TNRC18: variants seen among roughly 807,000 people sequenced by gnomAD.
TNRC18 encodes the protein trinucleotide repeat containing 18, also known as trinucleotide repeat-containing gene 18 protein.
Under a neutral mutation model 226.7 loss-of-function variants are expected in TNRC18, and 69 were observed. The ratio of observed to expected loss-of-function variants is 0.30; its 90% CI spans 0.25 to 0.37. The LOEUF (loss-of-function observed/expected upper bound fraction) is 0.37, where lower values mean the gene tolerates loss of function less well. TNRC18 is among the 10% of genes least tolerant of loss of function. The probability of loss-of-function intolerance (pLI) is 1.00; values close to 1 mark genes in which losing one functional copy is unlikely to be tolerated. For synonymous variants in TNRC18, 2,449 were observed against 1,927.6 expected (o/e 1.27, Z -7.09); for missense variants, 4,754 against 4,256.6 (o/e 1.12, Z -3.25).
intron 5 of TNRC18, among the ~76,000 whole-genome samples, chr7:5,379,475 C>T (rs1562582260): frequency 6.6e-6 from 1 of 152,136 alleles, no homozygotes; most frequent in African/African-American, 2.4e-5. Flanking sequence ...GTGGCCTTGG[C>T]CCCCTGAGTG....
At chr7:5,380,588 C>T (rs1186221445) in intron 5 of TNRC18, among the ~76,000 whole-genome samples, 1 of 152,138 alleles carries the variant, frequency 6.6e-6, no homozygotes, top group Non-Finnish European at 1.5e-5. Flanking sequence ...AGCGTGTTGA[C>T]GAGGGCGCCT....
chr7:5,345,906 C>G, intron 17 of TNRC18, 96 bp from the exon 18 acceptor site: 1 of 1,457,200 alleles, frequency 6.9e-7, no homozygotes, highest in Non-Finnish European at 9.1e-7. Context: ...TGGGCTCCAG[C>G]CTAGTCCCTC....
At chr7:5,407,176 G>T in intron 2 of TNRC18, 1 of 152,346 alleles carries the variant, frequency 6.6e-6, no homozygotes, top group East Asian at 1.9e-4. Flanking sequence ...ACTGCGGCTG[G>T]GCTATCAGAC....
rs112452680 is a variant in TNRC18 at position 5,371,193 on chromosome 7, C to T, written c.3401G>A (p.Arg1134His). 24 of 1,604,758 alleles carry T rather than the reference C, an allele frequency of 1.5e-5. No individual in the cohort carries two copies. Among genetic ancestry groups the T allele is most frequent in the African/African-American group, 1.5e-4 (11 of 74,720 alleles). ...CTCTGTGATCTTGGAGGGGGACAAG[C>T]GGATGGGCTTGTCTTCGGGTGAGAG... ...LALSPEDKPIRLSPSKITEPL... is the reference protein window; with the variant it reads ...LALSPEDKPIHLSPSKITEPL... The change falls in exon 11 of 30, where the codon CGC becomes CAC. Residue 1134 changes from arginine to histidine, a missense_variant. Arg to His is a conservative substitution (Grantham distance 29). Coordinates refer to ENST00000430969, the MANE Select transcript of TNRC18 (RefSeq NM_001080495.3).
Position 5,370,699 on chromosome 7 carries a change from G to C in TNRC18, c.3895C>G (p.Pro1299Ala). 1 of 1,610,648 alleles carries C rather than the reference G, an allele frequency of 6.2e-7. No homozygotes were observed. The change falls in exon 11 of 30, where the codon CCC becomes GCC. Residue 1299 changes from proline (P) to alanine (A), a missense_variant. Transcript: ENST00000430969. ...PTLEMSDCDVPAGEGQCPSLE... is the reference protein window; with the variant it reads ...PTLEMSDCDVAAGEGQCPSLE... ...CTCGGGCACTGTCCCTCCCCGGCGG[G>C]CACGTCACAGTCTGACATTTCTAGG...
At chr7:5,344,414 T>C (rs1482237811) in intron 18 of TNRC18, among the ~76,000 whole-genome samples, 1 of 152,116 alleles carries the variant, frequency 6.6e-6, no homozygotes, top group Non-Finnish European at 1.5e-5. Context: ...CCCTGGTGCC[T>C]CTTTCCAGGA....
rs971907724 is a variant in TNRC18 at position 5,355,843 on chromosome 7, A to C, written c.5194+1073T>G. 1.3e-3 allele frequency among the ~76,000 whole-genome samples: 203 copies of C among 152,120 alleles called. 1 individual carries two copies. Among genetic ancestry groups the C allele is most frequent in the African/African-American group, 4.6e-3 (189 of 41,490 alleles). On this transcript the variant is annotated intron_variant, in intron 16 of 29. Coordinates refer to ENST00000430969, the MANE Select transcript of TNRC18 (RefSeq NM_001080495.3). ...CAGTGAGTTATGATGGCCCCACTGC[A>C]CTCCAGCCTAAGCAATAAGAAGAGA...
intron 2 of TNRC18, among the ~76,000 whole-genome samples, chr7:5,397,593 G>A (rs963477781): frequency 4.6e-5 from 7 of 152,160 alleles, no homozygotes; most frequent in African/African-American, 1.4e-4. Context: ...TGAGGCCAGC[G>A]TGCCACCCCC....
intron 27 of TNRC18, among the ~76,000 whole-genome samples, chr7:5,311,313 T>C (rs1401184845): frequency 1.3e-5 from 2 of 152,264 alleles, no homozygotes; most frequent in Non-Finnish European, 2.9e-5. Context: ...AACCCACTGC[T>C]GCAGGCAGGG....
chr7:5,308,743 G>A lies in TNRC18; in HGVS notation c.8700+132C>T, dbSNP rs1786868713. Reference sequence around the variant, plus strand: ...CAGGAGCCAGGCACTGAGAGTGGCAGGGACAGGAGGTCAGAGGCTGAGGGA... The same window carrying A: ...CAGGAGCCAGGCACTGAGAGTGGCAAGGACAGGAGGTCAGAGGCTGAGGGA... On this transcript the variant is annotated intron_variant, in intron 29 of 29. Transcript: ENST00000430969. The A allele has an allele frequency of 1.6e-5, 15 of 948,828 alleles. No homozygotes were observed. In the South Asian group the frequency reaches 2.2e-4, roughly 14 times the overall value. The allele number at this position is 948,828 out of a possible 1,614,324, so 58.8% of individuals were successfully genotyped here. A position where few individuals can be genotyped will look rare whatever the true frequency, so the allele number is the denominator to read the frequency against.
intron 21 of TNRC18, among the ~76,000 whole-genome samples, chr7:5,323,899 T>C (rs1788631063): frequency 6.6e-6 from 1 of 152,120 alleles, no homozygotes; most frequent in Non-Finnish European, 1.5e-5. Flanking sequence ...AATCTGACCA[T>C]ATCACATCCC....
rs557850362 is a variant in TNRC18, at chr7:5,379,647, G to C, written c.2153-1623C>G. The stretch of plus-strand genomic sequence containing the variant: ...GGTACCTCCTTGTCCCTGCCACCCT[G>C]CCCTGGCCCCTCTTTGAGTGTTCAA... On this transcript the variant is annotated intron_variant, in intron 5 of 29. Transcript: ENST00000430969. 5.3e-5 allele frequency among the ~76,000 whole-genome samples: 8 copies of C among 152,330 alleles called. No homozygotes were observed. In the East Asian group the frequency reaches 1.5e-3, roughly 29 times the overall value.
At chr7:5,405,253 C>A (rs1421439885) in intron 2 of TNRC18, among the ~76,000 whole-genome samples, 1 of 152,082 alleles carries the variant, frequency 6.6e-6, no homozygotes, top group Non-Finnish European at 1.5e-5. Context: ...CAAGGCAAAA[C>A]CCTGTCTCTA....
In TNRC18 at chr7:5,312,824, G is replaced by T. The variant is rs557396685; in HGVS notation, c.8067C>A (p.Pro2689=). The part of the protein sequence containing the change: ...CSSDDEAAPA[P]TAGPSAQAAL... Reference sequence around the variant, plus strand: ...CCGCCTGCGCGGAAGGGCCAGCCGTGGGGGCGGGGGCTGCCTCATCGTCCG... The same window carrying T: ...CCGCCTGCGCGGAAGGGCCAGCCGTTGGGGCGGGGGCTGCCTCATCGTCCG... Residue 2689 remains proline, a synonymous_variant, in exon 27 of 30, where the codon CCC becomes CCA. Coordinates refer to ENST00000430969, the MANE Select transcript of TNRC18 (RefSeq NM_001080495.3). This position sits in a 1 kb window ranked among gnomAD's most constrained non-coding sequence, Gnocchi z 6.3. 9.2e-6 allele frequency: 14 copies of T among 1,526,942 alleles called. No homozygotes were observed. Among genetic ancestry groups the T allele is most frequent in the South Asian group, 1.3e-5 (1 of 77,056 alleles). 94.6% of individuals were successfully genotyped at this position (1,526,942 alleles called of 1,614,324 possible).
At chr7:5,410,368 G>A (rs890611950) in intron 2 of TNRC18, among the ~76,000 whole-genome samples, 3 of 149,668 alleles carry the variant, frequency 2.0e-5, no homozygotes, top group Non-Finnish European at 3.0e-5. Flanking sequence ...AGGAGACCCA[G>A]GATATCTAAC....
At chr7:5,363,601 C>CTCAA (rs1293898121) in intron 11 of TNRC18, among the ~76,000 whole-genome samples, 182 of 152,150 alleles carry the variant, frequency 1.2e-3, no homozygotes, top group African/African-American at 3.8e-3. Context: ...GAGACTCCAT[C>CTCAA]TCAATCAATC....
Position 5,318,061 on chromosome 7 carries a change from G to A in TNRC18, c.6746-1989C>T, listed in dbSNP as rs553330858. Among the ~76,000 whole-genome samples the A allele has an allele frequency of 2.9e-3, 437 of 152,080 alleles. 5 individuals carry two copies. Among genetic ancestry groups the A allele is most frequent in the Middle Eastern group, 0.01 (3 of 294 alleles). ...TTATTTTTGTATTTTTAATAGAGAC[G>A]GGGTTTCACCATGCTGCCCAGGCTG... is the stretch of plus-strand genomic sequence containing the variant. On this transcript the variant is annotated intron_variant, in intron 24 of 29. Transcript: ENST00000430969.
At position 5,315,133 on chromosome 7, in the gene TNRC18, G is replaced by T; in HGVS notation, c.6878C>A (p.Pro2293Gln). The change falls in exon 26 of 30, where the codon CCG becomes CAG. Residue 2293 changes from proline to glutamine, a missense_variant. Physicochemically the swap from Pro to Gln is moderately conservative, Grantham distance 76 (BLOSUM62 -1). Coordinates refer to ENST00000430969, the MANE Select transcript of TNRC18 (RefSeq NM_001080495.3). Reference sequence around the variant, plus strand: ...CTTGGCACTTGGCACCAGAAGGGCCGGGGACGGCTCAGCACCTGTGGGGCA... The same window carrying T: ...CTTGGCACTTGGCACCAGAAGGGCCTGGGACGGCTCAGCACCTGTGGGGCA... ...DYKIQCAEPS[P>Q]ALLVPSAKRR... 6.2e-7 allele frequency: 1 copy of T among 1,612,184 alleles called. No individual in the cohort carries two copies. Among genetic ancestry groups the T allele is most frequent in the Non-Finnish European group, 8.5e-7 (1 of 1,179,506 alleles).
At chr7:5,422,379 A>G (rs956988366) in intron 1 of TNRC18, among the ~76,000 whole-genome samples, 1 of 143,728 alleles carries the variant, frequency 7.0e-6, no homozygotes, top group Non-Finnish European at 1.5e-5. Flanking sequence ...AGCCTTTGCA[A>G]CGCGGGCCTG....
Sources: allele counts gnomAD v4.1 joint callset (sites outside exome capture counted in the v4.1 genomes callset), GRCh38; gene constraint gnomAD v4.1.1; non-coding constraint Gnocchi (gnomAD v3.1); transcripts MANE v1.5; gene names NCBI Gene and HGNC (gene_info 2026-07-23, HGNC 2026-07-21).